The following LNPEP variants were observed in gnomAD, a reference collection of about 807,000 sequenced individuals.
LNPEP encodes leucyl and cystinyl aminopeptidase.
A neutral mutation model predicts 120.6 loss-of-function variants in LNPEP; 64 were observed. The observed-to-expected ratio is 0.53, with a 90% CI of 0.43 to 0.65. The LOEUF (loss-of-function observed/expected upper bound fraction) is 0.65, where lower values mean the gene tolerates loss of function less well. LNPEP is among the 30% of genes least tolerant of loss of function. The pLI, the probability that LNPEP is intolerant of heterozygous loss-of-function variation, is 0.00. For synonymous variants in LNPEP, 435 were observed against 425.4 expected, an observed-to-expected ratio of 1.02 and a Z score of -0.28; for missense variants, 1,057 against 1,200.0, an observed-to-expected ratio of 0.88 and a Z score of 1.76.
chr5:96,948,729 A>G (rs973213533), intron 1 of LNPEP, among the ~76,000 whole-genome samples: 4 of 152,230 alleles, frequency 2.6e-5, no homozygotes, highest in African/African-American at 9.6e-5. Context: ...TCCAAAAACC[A>G]TCATACTTTG....
chr5:97,005,273 T>C (rs913242590), intron 9 of LNPEP, among the ~76,000 whole-genome samples: 8 of 152,196 alleles, frequency 5.3e-5, no homozygotes, highest in Admixed American at 3.3e-4. Context: ...TTCAAATTCA[T>C]ATATAATCTA....
chr5:96,968,524 A>G (rs931410931), intron 1 of LNPEP, among the ~76,000 whole-genome samples: 3 of 152,060 alleles, frequency 2.0e-5, no homozygotes, highest in Admixed American at 2.0e-4. Flanking sequence ...GGATTTCTTT[A>G]TTGCAGTTCT....
intron 1 of LNPEP, among the ~76,000 whole-genome samples, chr5:96,949,634 G>A (rs1376343648): frequency 6.6e-6 from 1 of 152,126 alleles, no homozygotes; most frequent in Non-Finnish European, 1.5e-5. Context: ...TGCTTTCATG[G>A]TGCCTTCAAG....
chr5:97,010,261 C>T lies in LNPEP; in HGVS notation c.2036-3387C>T, dbSNP rs1455975069. 1.1e-5 allele frequency: 11 copies of T among 961,660 alleles called. No individual in the cohort carries two copies. The East Asian group carries it at 4.6e-4, about 40-fold the overall frequency. The allele number at this position is 961,660 out of a possible 1,614,324, so 59.6% of individuals were successfully genotyped here. ...AAGATCTTTAACTATAGGAGATTTT[C>T]GTATTAAATCTAATGCAAAACATTC... On this transcript the variant is annotated intron_variant, in intron 11 of 17. Coordinates refer to ENST00000231368, the MANE Select transcript of LNPEP (RefSeq NM_005575.3).
chr5:97,009,355 A>G (rs1457877566), intron 11 of LNPEP, among the ~76,000 whole-genome samples: 1 of 94,650 alleles, frequency 1.1e-5, no homozygotes, highest in Non-Finnish European at 2.1e-5. Flanking sequence ...CTATCCTCAT[A>G]TTAGGTATTT....
intron 6 of LNPEP, 87 bp downstream of exon 6, chr5:96,994,058 CT>C (rs879080523): frequency 0.028 from 23,081 of 810,244 alleles, 4 homozygotes; most frequent in South Asian, 0.04. Context: ...GCTAATAATT[CT>C]TTTTTTTTTT....
At chr5:96,980,497 A>AT (rs1023894050) in intron 2 of LNPEP, among the ~76,000 whole-genome samples, 1 of 151,744 alleles carries the variant, frequency 6.6e-6, no homozygotes, top group African/African-American at 2.4e-5. Context: ...TCTGGTGTAA[A>AT]TTTTTTTTAA....
At chr5:96,969,716 G>A (rs1789814621) in intron 1 of LNPEP, among the ~76,000 whole-genome samples, 1 of 150,322 alleles carries the variant, frequency 6.7e-6, no homozygotes, top group Admixed American at 6.6e-5. Flanking sequence ...TGTTTATCTG[G>A]TTTCTATTTT....
intron 11 of LNPEP, 79 bp downstream of exon 11, chr5:97,006,594 TTTCC>T: frequency 2.6e-6 from 2 of 783,670 alleles, no homozygotes; most frequent in Non-Finnish European, 4.5e-6. Context: ...AAGATTACAC[TTTCC>T]AGTGTGCACA....
intron 1 of LNPEP, among the ~76,000 whole-genome samples, chr5:96,971,715 C>G (rs1789867479): frequency 6.6e-6 from 1 of 151,814 alleles, no homozygotes; most frequent in Admixed American, 6.6e-5. Context: ...TTTATTGAAC[C>G]TTTTTCTCCT....
At chr5:96,964,108 T>G (rs1317729127) in intron 1 of LNPEP, among the ~76,000 whole-genome samples, 1 of 151,024 alleles carries the variant, frequency 6.6e-6, no homozygotes, top group Admixed American at 6.6e-5. Context: ...ATGATTGATA[T>G]CAACTTTTTT....
At chr5:96,937,333 C>T (rs1788932143) in intron 1 of LNPEP, 3 of 152,206 alleles carry the variant, frequency 2.0e-5, no homozygotes, top group Admixed American at 2.0e-4. Flanking sequence ...CTCCCTATTC[C>T]TAATGTAGAA....
At chr5:96,992,779 CGGGGCGGGGGT>C (rs561340845) in intron 4 of LNPEP, among the ~76,000 whole-genome samples, 1 of 13,194 alleles carries the variant, frequency 7.6e-5, no homozygotes, top group African/African-American at 1.6e-4. Flanking sequence ...TAAAAAAAAG[CGGGGCGGGGGT>C]GGGGCGGGGT....
Position 97,008,929 on chromosome 5 carries a change from A to G in LNPEP, c.2035+2414A>G, listed in dbSNP as rs374874825. ...GGCCTCCCAAAGTGCTGGGATTACA[A>G]GCGTGAGCCACTGTGCCCACCCTCC... On this transcript the variant is annotated intron_variant, in intron 11 of 17. Coordinates refer to ENST00000231368, the MANE Select transcript of LNPEP (RefSeq NM_005575.3). Among the ~76,000 whole-genome samples the G allele has an allele frequency of 8.4e-4, 128 of 152,000 alleles. 2 individuals carry two copies. Among genetic ancestry groups the G allele is most frequent in the Admixed American group, 6.6e-4 (10 of 15,258 alleles).
At position 96,954,733 on chromosome 5, in the gene LNPEP, T is replaced by G. The variant is rs1196058540; in HGVS notation, c.19+18559T>G. Among the ~76,000 whole-genome samples, 2 of 105,042 alleles carry G rather than the reference T, an allele frequency of 1.9e-5. 1 individual carries two copies. The highest frequency in any genetic ancestry group is 4.0e-5 in the Non-Finnish European group (2 of 50,568). The allele number at this position is 105,042 out of a possible 152,430, so 68.9% of individuals were successfully genotyped here. On this transcript the variant is annotated intron_variant, in intron 1 of 17. Transcript: ENST00000231368. ...ATACACATATATATACATATATATATACATATATATATACACATATATATA... is the reference window on the plus strand; with the variant it reads ...ATACACATATATATACATATATATAGACATATATATATACACATATATATA...
intron 2 of LNPEP, among the ~76,000 whole-genome samples, chr5:96,983,689 C>T (rs927198999): frequency 2.0e-5 from 3 of 152,146 alleles, no homozygotes; most frequent in East Asian, 3.9e-4. Flanking sequence ...TCAAGTGATC[C>T]GCCCACCTTG....
intron 11 of LNPEP, chr5:97,011,331 C>T (rs1790922058): frequency 3.5e-6 from 1 of 287,654 alleles, no homozygotes; most frequent in Admixed American, 6.5e-5. Flanking sequence ...TAGTTGACCT[C>T]AAGTGATACT....
At chr5:96,990,482 A>G (rs1225035307) in intron 4 of LNPEP, among the ~76,000 whole-genome samples, 1 of 152,226 alleles carries the variant, frequency 6.6e-6, no homozygotes, top group Non-Finnish European at 1.5e-5. Context: ...AGTAACCACA[A>G]ATATTCTGTT....
intron 1 of LNPEP, among the ~76,000 whole-genome samples, chr5:96,951,503 C>A (rs926473169): frequency 7.2e-5 from 11 of 152,092 alleles, no homozygotes; most frequent in African/African-American, 2.7e-4. Context: ...CGTGATCCAC[C>A]CGCCTCGGCC....
Sources: gnomAD v4.1 joint callset for allele counts (sites outside exome capture counted in the v4.1 genomes callset) on GRCh38, gnomAD v4.1.1 for gene constraint, MANE v1.5 for transcripts, NCBI Gene and HGNC (gene_info 2026-07-23, HGNC 2026-07-21) for gene names.